The following HRH2 variants were observed in gnomAD, a reference collection of about 807,000 sequenced individuals.
The protein encoded by HRH2 is histamine receptor H2, also known as histamine H2 receptor.
Under a neutral mutation model 20.1 loss-of-function variants are expected in HRH2, and 4 were observed. The ratio of observed to expected loss-of-function variants is 0.20; its 90% CI spans 0.10 to 0.45. HRH2 has a LOEUF of 0.45. Ranked by LOEUF, HRH2 falls within the 20% of genes least tolerant of loss-of-function variation. The probability of loss-of-function intolerance (pLI) is 0.99; values close to 1 mark genes in which losing one functional copy is unlikely to be tolerated. For synonymous variants in HRH2, 197 were observed against 200.7 expected, an observed-to-expected ratio of 0.98 and a Z score of 0.16; for missense variants, 250 against 461.6, an observed-to-expected ratio of 0.54 and a Z score of 4.20.
At chr5:175,703,456 T>C (rs1341106171) in intron 2 of HRH2, among the ~76,000 whole-genome samples, 2 of 152,178 alleles carry the variant, frequency 1.3e-5, no homozygotes, top group African/African-American at 4.8e-5. Context: ...CCATAATGGC[T>C]CATATTTTTA....
intron 1 of HRH2, among the ~76,000 whole-genome samples, chr5:175,663,613 C>G (rs1762800303): frequency 7.2e-5 from 11 of 152,208 alleles, no homozygotes. Context: ...CGGCTCTAGC[C>G]AAAGCCTCAA....
chr5:175,688,679 C>T (rs886463310), intron 2 of HRH2, among the ~76,000 whole-genome samples: 5 of 152,172 alleles, frequency 3.3e-5, no homozygotes, highest in Non-Finnish European at 4.4e-5. Flanking sequence ...GACTCTAGGA[C>T]GAAATGCTGT....
chr5:175,669,471 C>A (rs1755439654), intron 1 of HRH2, among the ~76,000 whole-genome samples: 1 of 151,168 alleles, frequency 6.6e-6, no homozygotes. Flanking sequence ...TCAAGTGATT[C>A]TCCTGCCTCA....
chr5:175,664,674 A>G (rs1317751467), intron 1 of HRH2, among the ~76,000 whole-genome samples: 15 of 151,834 alleles, frequency 9.9e-5, no homozygotes, highest in Non-Finnish European at 5.9e-5. Context: ...TTTTTCTGTC[A>G]CCCAAACCGG....
At chr5:175,690,491 A>G (rs1263072249) in intron 2 of HRH2, among the ~76,000 whole-genome samples, 1 of 152,184 alleles carries the variant, frequency 6.6e-6, no homozygotes, top group African/African-American at 2.4e-5. Context: ...TCAGCAAACG[A>G]GAATTTTCAT....
intron 2 of HRH2, among the ~76,000 whole-genome samples, chr5:175,689,355 T>C (rs983245128): frequency 6.8e-6 from 1 of 146,168 alleles, no homozygotes; most frequent in African/African-American, 2.5e-5. Flanking sequence ...ATCCTATTGG[T>C]TTAACGTCTG....
chr5:175,683,216 G>A lies in HRH2; in HGVS notation c.-18G>A, dbSNP rs1239027377. 5 of 1,606,524 alleles carry A rather than the reference G, an allele frequency of 3.1e-6. No individual in the cohort carries two copies. The highest frequency in any genetic ancestry group is 1.3e-5 in the African/African-American group (1 of 74,788). On this transcript the variant is annotated 5_prime_UTR_variant, in exon 2 of 3. Transcript: ENST00000636584. The stretch of plus-strand genomic sequence containing the variant: ...AACCAGGGGCCCTGATCAGGGGACT[G>A]AGCCGTAGAGTCCCAGGATGGCACC...
In HRH2 at chr5:175,681,820, C is replaced by T. The variant is rs538437154; in HGVS notation, c.-525-889C>T. Among the ~76,000 whole-genome samples, 3 of 152,274 alleles carry T rather than the reference C, an allele frequency of 2.0e-5. No homozygotes were observed. The highest frequency in any genetic ancestry group is 4.1e-4 in the South Asian group (2 of 4,820). Reference sequence around the variant, plus strand: ...ATTAGAAGGAATGAGTGAGTTCTGTCCCTGCTGACCTGGATGTGGGATCAC... The same window carrying T: ...ATTAGAAGGAATGAGTGAGTTCTGTTCCTGCTGACCTGGATGTGGGATCAC... On this transcript the variant is annotated intron_variant, in intron 1 of 2. Transcript: ENST00000636584. The surrounding 1 kb of genome is among the most constrained non-coding windows in gnomAD (Gnocchi z 4.3).
At chr5:175,692,089 G>A (rs73806118) in intron 2 of HRH2, among the ~76,000 whole-genome samples, 23,795 of 152,026 alleles carry the variant, frequency 0.16, 4,307 homozygotes, top group African/African-American at 0.44. Flanking sequence ...GAGACAGCCC[G>A]GCAAAAGGCA....
Position 175,677,849 on chromosome 5 carries a change from T to G in HRH2, c.-525-4860T>G, listed in dbSNP as rs2113506170. On this transcript the variant is annotated intron_variant, in intron 1 of 2. Coordinates refer to ENST00000636584, the MANE Select transcript of HRH2 (RefSeq NM_001367711.1). This position sits in a 1 kb window ranked among gnomAD's most constrained non-coding sequence, Gnocchi z 4.2. Reference sequence around the variant, plus strand: ...CAGGAGGTCAGGGACCCTGCGCCACTTTTCCCGCCTTCCAATCACATCACC... The same window carrying G: ...CAGGAGGTCAGGGACCCTGCGCCACGTTTCCCGCCTTCCAATCACATCACC... Among the ~76,000 whole-genome samples the G allele has an allele frequency of 6.6e-6, 1 of 152,270 alleles. No homozygotes were observed. Among genetic ancestry groups the G allele is most frequent in the Middle Eastern group, 3.4e-3 (1 of 292 alleles).
chr5:175,680,518 G>C (rs1266380749), intron 1 of HRH2, among the ~76,000 whole-genome samples: 1 of 152,210 alleles, frequency 6.6e-6, no homozygotes, highest in African/African-American at 2.4e-5. Flanking sequence ...GAATAAGCCT[G>C]TCATCACTTT....
At chr5:175,674,686 C>T (rs1456160617) in intron 1 of HRH2, among the ~76,000 whole-genome samples, 1 of 152,154 alleles carries the variant, frequency 6.6e-6, no homozygotes, top group Admixed American at 6.5e-5. Flanking sequence ...GAGCTTGGGA[C>T]AAGACATGCT....
intron 1 of HRH2, among the ~76,000 whole-genome samples, chr5:175,667,125 C>T (rs1471956974): frequency 6.6e-6 from 1 of 152,042 alleles, no homozygotes; most frequent in East Asian, 1.9e-4. Flanking sequence ...GTAGACTTAA[C>T]TCTCAATGTA....
intron 1 of HRH2, among the ~76,000 whole-genome samples, chr5:175,666,282 T>C (rs1398333859): frequency 2.0e-5 from 3 of 152,210 alleles, no homozygotes; most frequent in Non-Finnish European, 2.9e-5. Flanking sequence ...GAAGGCTCTG[T>C]GGAGGTGGGA....
chr5:175,678,280 A>T (rs1755828405), intron 1 of HRH2, among the ~76,000 whole-genome samples: 2 of 152,218 alleles, frequency 1.3e-5, no homozygotes, highest in Admixed American at 1.3e-4. Context: ...TGTCATGCAC[A>T]TGAATGCTAT....
Position 175,683,091 on chromosome 5 carries a change from CAAAAAAAAAAA to C in HRH2, c.-132_-122del, listed in dbSNP as rs35616765. The C allele has an allele frequency of 6.9e-6, 4 of 583,850 alleles. No individual in the cohort carries two copies. The highest frequency in any genetic ancestry group is 3.2e-5 in the African/African-American group (1 of 31,026). The allele number at this position is 583,850 out of a possible 1,614,324, so 36.2% of individuals were successfully genotyped here. Reference sequence around the variant, plus strand: ...ATTGAAGCCTTCCCCACCCCCTGGCCAAAAAAAAAAAAAAAAAAAAACTGGACACATTTTGG... The same window carrying C: ...ATTGAAGCCTTCCCCACCCCCTGGCCAAAAAAAAAACTGGACACATTTTGG... On this transcript the variant is annotated 5_prime_UTR_variant, in exon 2 of 3. Coordinates refer to ENST00000636584, the MANE Select transcript of HRH2 (RefSeq NM_001367711.1).
At chr5:175,699,600 G>A (rs1364279155) in intron 2 of HRH2, among the ~76,000 whole-genome samples, 8 of 152,184 alleles carry the variant, frequency 5.3e-5, no homozygotes, top group African/African-American at 1.9e-4. Flanking sequence ...TTGAGACAGA[G>A]TCTCACTCTG....
chr5:175,663,604 G>A lies in HRH2; in HGVS notation c.-526+5449G>A, dbSNP rs139878338. Among the ~76,000 whole-genome samples, 701 of 152,204 alleles carry A rather than the reference G, an allele frequency of 4.6e-3. 7 individuals carry two copies. The highest frequency in any genetic ancestry group is 0.016 in the African/African-American group (666 of 41,524). On this transcript the variant is annotated intron_variant, in intron 1 of 2. Transcript: ENST00000636584. Reference sequence around the variant, plus strand: ...GCACTGTCTGCATTTCTCCTCACTCGGCTCTAGCCAAAGCCTCAAAAGGGC... The same window carrying A: ...GCACTGTCTGCATTTCTCCTCACTCAGCTCTAGCCAAAGCCTCAAAAGGGC...
intron 1 of HRH2, among the ~76,000 whole-genome samples, chr5:175,679,014 T>C (rs974520183): frequency 6.6e-6 from 1 of 152,188 alleles, no homozygotes; most frequent in Non-Finnish European, 1.5e-5. Flanking sequence ...GCATTTCTTC[T>C]GGGGTTTCAT....
Sources: gnomAD v4.1 joint callset for allele counts (sites outside exome capture counted in the v4.1 genomes callset) on GRCh38, gnomAD v4.1.1 for gene constraint, Gnocchi (gnomAD v3.1) non-coding constraint, MANE v1.5 for transcripts, NCBI Gene and HGNC (gene_info 2026-07-23, HGNC 2026-07-21) for gene names.